NICOL1: variants seen among roughly 807,000 people sequenced by gnomAD.
NICOL1 encodes the protein NELL2-interacting cell ontogeny regulator 1.
the NICOL1 span, chr4:2,043,746 T>C: frequency 3.8e-6 from 3 of 794,680 alleles, no homozygotes; most frequent in Non-Finnish European, 6.1e-6. Flanking sequence ...AGCCAGGGCC[T>C]GACCTTGTCT....
At chr4:2,041,887 C>G in the NICOL1 span, 6 of 1,218,124 alleles carry the variant, frequency 4.9e-6, no homozygotes, top group Middle Eastern at 4.4e-4. Flanking sequence ...CAGGCACACC[C>G]GATTCCTGGA....
At chr4:2,037,715 T>A in the NICOL1 span, among the ~76,000 whole-genome samples, 1 of 152,130 alleles carries the variant, frequency 6.6e-6, no homozygotes, top group Non-Finnish European at 1.5e-5. Flanking sequence ...TAATTTGAAA[T>A]CTTAAAGTTA....
the NICOL1 span, chr4:2,042,737 C>T: frequency 6.6e-7 from 1 of 1,511,298 alleles, no homozygotes; most frequent in Non-Finnish European, 8.8e-7. Flanking sequence ...CCCCCGCAGG[C>T]CGCCCATGCG....
the NICOL1 span, among the ~76,000 whole-genome samples, chr4:2,038,956 G>A: frequency 6.6e-6 from 1 of 152,162 alleles, no homozygotes; most frequent in Admixed American, 6.5e-5. Context: ...TCACCTGGGA[G>A]TTTATATCAA....
At chr4:2,038,936 G>T in the NICOL1 span, among the ~76,000 whole-genome samples, 8 of 152,144 alleles carry the variant, frequency 5.3e-5, no homozygotes, top group African/African-American at 1.7e-4. Flanking sequence ...CTCTGTCAAC[G>T]ATCTTTTCAT....
the NICOL1 span, among the ~76,000 whole-genome samples, chr4:2,038,546 C>G: frequency 3.3e-5 from 5 of 151,968 alleles, no homozygotes; most frequent in Admixed American, 2.6e-4. Context: ...ATCCTCCCGT[C>G]TCTTATAAGC....
At chr4:2,042,214 A>T in the NICOL1 span, 13 of 1,069,768 alleles carry the variant, frequency 1.2e-5, no homozygotes, top group African/African-American at 2.1e-5. Flanking sequence ...GGGTGGGTCC[A>T]GGGCTCCCAG....
chr4:2,042,688 G>C, the NICOL1 span: 1 of 1,162,212 alleles, frequency 8.6e-7, no homozygotes, highest in Non-Finnish European at 1.2e-6. Flanking sequence ...GGGGCCTTGC[G>C]GGTGACCCCC....
the NICOL1 span, among the ~76,000 whole-genome samples, chr4:2,039,511 A>G: frequency 6.6e-6 from 1 of 152,192 alleles, no homozygotes; most frequent in South Asian, 2.1e-4. Flanking sequence ...TGATAGTTCA[A>G]AATTGCTTGC....
chr4:2,042,771 A>C, the NICOL1 span: 1 of 1,518,626 alleles, frequency 6.6e-7, no homozygotes, highest in Non-Finnish European at 8.8e-7. Context: ...CTTCGAGTTC[A>C]TGCAGCGCGC....
At chr4:2,039,672 A>G in the NICOL1 span, among the ~76,000 whole-genome samples, 16 of 151,522 alleles carry the variant, frequency 1.1e-4, no homozygotes, top group Middle Eastern at 3.5e-3. Context: ...TGTCTCTACC[A>G]AAGAAAAAAA....
chr4:2,040,718 G>A, the NICOL1 span, among the ~76,000 whole-genome samples: 19 of 152,200 alleles, frequency 1.2e-4, no homozygotes, highest in Non-Finnish European at 1.9e-4. Context: ...CGGCCCCTCG[G>A]GCCCCGCGTG....
the NICOL1 span, among the ~76,000 whole-genome samples, chr4:2,040,260 C>G: frequency 6.6e-6 from 1 of 152,186 alleles, no homozygotes. Flanking sequence ...GCGCGTGCCA[C>G]CATACCCGGC....
At chr4:2,042,437 G>A in the NICOL1 span, 1 of 452,862 alleles carries the variant, frequency 2.2e-6, no homozygotes, top group Non-Finnish European at 3.8e-6. Context: ...GCGCTGCTGG[G>A]CGCCCGGGCC....
chr4:2,041,760 C>G, the NICOL1 span: 1 of 459,278 alleles, frequency 2.2e-6, no homozygotes, highest in Non-Finnish European at 3.8e-6. Flanking sequence ...CAGCTTTTCT[C>G]CCGCCGGCCT....
the NICOL1 span, among the ~76,000 whole-genome samples, chr4:2,038,149 G>T: frequency 2.1e-5 from 3 of 142,084 alleles, no homozygotes; most frequent in Non-Finnish European, 4.6e-5. Flanking sequence ...TAATTACATT[G>T]ATTTGTAGTT....
At chr4:2,040,677 G>A in the NICOL1 span, among the ~76,000 whole-genome samples, 3 of 152,206 alleles carry the variant, frequency 2.0e-5, no homozygotes, top group Non-Finnish European at 4.4e-5. Flanking sequence ...GCCTCCCCAG[G>A]CGCCTGGGAC....
chr4:2,038,232 A>AGTGTGTGT, the NICOL1 span, among the ~76,000 whole-genome samples: 11 of 96,496 alleles, frequency 1.1e-4, no homozygotes, highest in African/African-American at 3.5e-4. Context: ...TTAAGTGATC[A>AGTGTGTGT]GTGTGTATAT....
the NICOL1 span, among the ~76,000 whole-genome samples, chr4:2,043,039 C>G: frequency 1.3e-5 from 2 of 152,308 alleles, no homozygotes; most frequent in African/African-American, 2.4e-5. Flanking sequence ...CCAGCATACT[C>G]TATTTCTAGC....
Sources: allele counts gnomAD v4.1 joint callset (sites outside exome capture counted in the v4.1 genomes callset), GRCh38; gene constraint gnomAD v4.1.1; transcripts MANE v1.5; gene names NCBI Gene and HGNC (gene_info 2026-07-23, HGNC 2026-07-21).